The following C13orf46 variants were observed in gnomAD, a reference collection of about 807,000 sequenced individuals.
C13orf46 encodes chromosome 13 open reading frame 46, also known as uncharacterized protein C13orf46.
Position 113,966,589 on chromosome 13 carries a change from GTGA to G in C13orf46, c.504+749_504+751del, listed in dbSNP as rs1173476434. Among the ~76,000 whole-genome samples the G allele has an allele frequency of 2.7e-3, 413 of 150,630 alleles. 2 individuals are homozygous for G. Among genetic ancestry groups the G allele is most frequent in the African/African-American group, 8.6e-3 (352 of 40,918 alleles). On this transcript the variant is annotated intron_variant, in intron 5 of 6. Coordinates refer to ENST00000636427, the MANE Select transcript of C13orf46 (RefSeq NM_001365455.2). ...GATGGTGATAGTGATAGTGGTGATG[GTGA>G]TGATGATGGTGACAGTGATGATGGT...
chr13:113,945,618 AAGAAAG>A, the C13orf46 span, among the ~76,000 whole-genome samples: 1 of 104,434 alleles, frequency 9.6e-6, no homozygotes, highest in African/African-American at 3.5e-5. Flanking sequence ...GAAAGAAAGA[AAGAAAG>A]AAAGAAAGAA....
chr13:113,953,076 C>T (rs1335159873), downstream of C13orf46, among the ~76,000 whole-genome samples: 2 of 152,360 alleles, frequency 1.3e-5, no homozygotes, highest in South Asian at 2.1e-4. Context: ...CGCTGACTGC[C>T]GCTGCCAGGA....
At chr13:113,937,694 G>A in the C13orf46 span, among the ~76,000 whole-genome samples, 7 of 152,170 alleles carry the variant, frequency 4.6e-5, no homozygotes, top group African/African-American at 1.2e-4. Context: ...TCGGATGAAC[G>A]CTGGTTCGGT....
chr13:113,950,019 A>T (rs1447855446), downstream of C13orf46, among the ~76,000 whole-genome samples: 6 of 148,892 alleles, frequency 4.0e-5, no homozygotes, highest in Non-Finnish European at 7.4e-5. Flanking sequence ...TGCCTCGGGC[A>T]CCTCGGTGCT....
intron 6 of C13orf46, among the ~76,000 whole-genome samples, chr13:113,962,780 T>C (rs2052597572): frequency 1.3e-5 from 2 of 152,144 alleles, no homozygotes; most frequent in African/African-American, 2.4e-5. Context: ...AAAACAGCCA[T>C]CGAGCTGTGT....
chr13:113,935,333 C>T, the C13orf46 span, among the ~76,000 whole-genome samples: 3 of 152,224 alleles, frequency 2.0e-5, no homozygotes, highest in African/African-American at 4.8e-5. Context: ...GGCCCCTGGC[C>T]CTGACCGCTG....
At chr13:113,971,882 C>T (rs976100264) in intron 1 of C13orf46, among the ~76,000 whole-genome samples, 3 of 152,232 alleles carry the variant, frequency 2.0e-5, no homozygotes, top group Admixed American at 6.5e-5. Context: ...TCTTCTCCGG[C>T]AGAATCTCAG....
downstream of C13orf46, among the ~76,000 whole-genome samples, chr13:113,949,856 T>C (rs1162557244): frequency 2.5e-4 from 31 of 124,796 alleles, no homozygotes; most frequent in South Asian, 5.9e-4. Flanking sequence ...GGGGTCATCA[T>C]TCTTGCTTGA....
At chr13:113,930,316 G>A in the C13orf46 span, among the ~76,000 whole-genome samples, 92 of 152,342 alleles carry the variant, frequency 6.0e-4, no homozygotes, top group Admixed American at 2.8e-3. Flanking sequence ...GTGAGGCAGA[G>A]GTGGAAGGAG....
At chr13:113,949,826 G>C (rs1415582504), downstream of C13orf46, among the ~76,000 whole-genome samples, 1 of 151,296 alleles carries the variant, frequency 6.6e-6, no homozygotes, top group African/African-American at 2.4e-5. Context: ...TGGGGACCTT[G>C]GTGCTCCCAT....
chr13:113,940,442 C>T, the C13orf46 span, among the ~76,000 whole-genome samples: 1 of 151,880 alleles, frequency 6.6e-6, no homozygotes, highest in African/African-American at 2.4e-5. Context: ...GGATGGGCGT[C>T]TGGGACCCTG....
intron 1 of C13orf46, among the ~76,000 whole-genome samples, chr13:113,973,228 C>T (rs1379939906): frequency 6.6e-6 from 1 of 152,172 alleles, no homozygotes; most frequent in African/African-American, 2.4e-5. Context: ...TCCTTGTGAG[C>T]CTTAAGATCT....
chr13:113,967,780 G>A (rs906988251), intron 4 of C13orf46, among the ~76,000 whole-genome samples: 1 of 152,136 alleles, frequency 6.6e-6, no homozygotes, highest in Non-Finnish European at 1.5e-5. Context: ...AGCCCTGCTC[G>A]ACAAGGCAGC....
At position 113,959,775 on chromosome 13, in the gene C13orf46, C is replaced by T. The variant is rs1029859426; in HGVS notation, c.573-2936G>A. Among the ~76,000 whole-genome samples, 21 of 152,310 alleles carry T rather than the reference C, an allele frequency of 1.4e-4. 1 individual carries two copies. The highest frequency in any genetic ancestry group is 3.4e-3 in the Middle Eastern group (1 of 294). ...ATGTGGACTTGTCCAAGTTATCTCT[C>T]TTTTTATCCTGAAGCAAAATGACTG... On this transcript the variant is annotated intron_variant, in intron 6 of 6. Coordinates refer to ENST00000636427, the MANE Select transcript of C13orf46 (RefSeq NM_001365455.2).
At chr13:113,971,235 A>T (rs1431312343) in intron 1 of C13orf46, among the ~76,000 whole-genome samples, 2 of 152,234 alleles carry the variant, frequency 1.3e-5, no homozygotes. Context: ...GGATGATTCC[A>T]AAGCTTTAAA....
chr13:113,949,273 A>G (rs1486742470), downstream of C13orf46, among the ~76,000 whole-genome samples: 1 of 152,206 alleles, frequency 6.6e-6, no homozygotes, highest in Non-Finnish European at 1.5e-5. Context: ...TTGTACGTAA[A>G]GCACTTTCCT....
the C13orf46 span, among the ~76,000 whole-genome samples, chr13:113,932,791 A>G: frequency 0.058 from 8,833 of 152,058 alleles, 319 homozygotes; most frequent in African/African-American, 0.09. Context: ...CCAAACTAAA[A>G]GTCACCATGA....
the C13orf46 span, among the ~76,000 whole-genome samples, chr13:113,930,946 C>T: frequency 2.6e-5 from 4 of 152,222 alleles, no homozygotes; most frequent in African/African-American, 9.6e-5. Context: ...CCTCCAGGGC[C>T]AGGCTGGGGC....
the C13orf46 span, among the ~76,000 whole-genome samples, chr13:113,945,669 A>AG: frequency 7.6e-6 from 1 of 131,956 alleles, no homozygotes; most frequent in African/African-American, 2.9e-5. Flanking sequence ...AGAAAGAAAG[A>AG]AAGGAAAGAA....
Sources: allele counts gnomAD v4.1 joint callset (sites outside exome capture counted in the v4.1 genomes callset), GRCh38; gene constraint gnomAD v4.1.1; transcripts MANE v1.5; gene names NCBI Gene and HGNC (gene_info 2026-07-23, HGNC 2026-07-21).